Variants in COQ8B observed in about 807,000 individuals in gnomAD.
The protein encoded by COQ8B is atypical kinase COQ8B, mitochondrial.
Under a neutral mutation model 62.0 loss-of-function variants are expected in COQ8B, and 44 were observed. The observed-to-expected ratio is 0.71, with a 90% CI of 0.56 to 0.91. COQ8B has a LOEUF of 0.91. Ranked by LOEUF, COQ8B falls within the 40% of genes least tolerant of loss-of-function variation. The probability of loss-of-function intolerance (pLI) is 0.00; values close to 1 mark genes in which losing one functional copy is unlikely to be tolerated. For missense variants in COQ8B, 649 were observed against 731.6 expected (o/e 0.89, Z 1.30); for synonymous variants, 252 against 289.9 (o/e 0.87, Z 1.33).
At chr19:40,711,131 C>CAAAAA in intron 4 of COQ8B, among the ~76,000 whole-genome samples, 1 of 134,368 alleles carries the variant, frequency 7.4e-6, no homozygotes, top group South Asian at 2.5e-4. Flanking sequence ...AACTCCGTCT[C>CAAAAA]AAAAAAAAAA....
rs58313890 is a variant in COQ8B at position 40,697,875 on chromosome 19, G to GAGAGAGAGAGAGAGAGGC, written c.1144-1822_1144-1821insGCCTCTCTCTCTCTCTCT. Among the ~76,000 whole-genome samples the GAGAGAGAGAGAGAGAGGC allele has an allele frequency of 7.9e-3, 815 of 103,070 alleles. 12 individuals carry two copies. Among genetic ancestry groups the GAGAGAGAGAGAGAGAGGC allele is most frequent in the Middle Eastern group, 0.016 (3 of 184 alleles). The allele number at this position is 103,070 out of a possible 152,430, so 67.6% of individuals were successfully genotyped here. On this transcript the variant is annotated intron_variant, in intron 12 of 14. Coordinates refer to ENST00000324464, the MANE Select transcript of COQ8B (RefSeq NM_024876.4). ...ATAGAGAGAGAGAGAGAGAGAGAGA[G>GAGAGAGAGAGAGAGAGGC]AGTTTCTACTGGGCGTTCATGCAAA...
At chr19:40,703,008 C>G (rs2082072936) in intron 9 of COQ8B, among the ~76,000 whole-genome samples, 1 of 152,164 alleles carries the variant, frequency 6.6e-6, no homozygotes, top group Non-Finnish European at 1.5e-5. Context: ...TCTTCCGAAG[C>G]CTTTTCTGGG....
In COQ8B at chr19:40,714,359, C is replaced by T; in HGVS notation, c.141G>A (p.Gln47=). The T allele has an allele frequency of 7.4e-6, 12 of 1,614,140 alleles. No individual in the cohort carries two copies. The highest frequency in any genetic ancestry group is 1.0e-5 in the Non-Finnish European group (12 of 1,180,020). The change falls in exon 3 of 15, where the codon CAG becomes CAA. Residue 47 remains glutamine, a synonymous_variant. Transcript: ENST00000324464. ...CACCCAGGCCTCTCCCAGGCCCATC[C>T]TGGTAAAACTTTTGGGCCCAAGAAC... ...CGGSWAQKFY[Q]DGPGRGLGEE...
At chr19:40,702,821 A>T in intron 9 of COQ8B, 128 bp from the exon 10 acceptor site, 2 of 795,418 alleles carry the variant, frequency 2.5e-6, no homozygotes, top group Non-Finnish European at 4.1e-6. Context: ...CCTGTGACCC[A>T]CATCTGTCCC....
intron 4 of COQ8B, among the ~76,000 whole-genome samples, chr19:40,710,642 T>G (rs2082133738): frequency 6.6e-6 from 1 of 152,152 alleles, no homozygotes; most frequent in South Asian, 2.1e-4. Flanking sequence ...TCCTCTTTCT[T>G]TAACCCTTTC....
chr19:40,710,148 G>C lies in COQ8B; in HGVS notation c.290-12C>G, dbSNP rs1555757894. 6.2e-7 allele frequency: 1 copy of C among 1,613,938 alleles called. No individual in the cohort carries two copies. Among genetic ancestry groups the C allele is most frequent in the Non-Finnish European group, 8.5e-7 (1 of 1,179,836 alleles). On this transcript the variant is annotated splice_polypyrimidine_tract_variant and intron_variant, in intron 4 of 14. Coordinates refer to ENST00000324464, the MANE Select transcript of COQ8B (RefSeq NM_024876.4). ...GCCCACAGCCAGTCCTGGAGTGCAA[G>C]AGAAGAACATGAGTGCCCGTTTGCC...
chr19:40,700,270 T>C (rs769884860), intron 11 of COQ8B, 40 bp downstream of exon 11: 1 of 1,611,070 alleles, frequency 6.2e-7, no homozygotes, highest in Non-Finnish European at 8.5e-7. Context: ...CCACCCGCCC[T>C]GGGGCCATGC....
Position 40,714,050 on chromosome 19 carries a change from C to T in COQ8B, c.289+17G>A, listed in dbSNP as rs2082164551. On this transcript the variant is annotated intron_variant, in intron 4 of 14. Transcript: ENST00000324464. ...TCTAATTGAGGTCACACCAAGATCC[C>T]CCAAAGTCACACCTACCCCCAAAGT... The T allele has an allele frequency of 7.4e-6, 12 of 1,613,920 alleles. No homozygotes were observed. The highest frequency in any genetic ancestry group is 1.3e-5 in the African/African-American group (1 of 74,912).
chr19:40,696,664 C>CA (rs36085326), intron 12 of COQ8B, among the ~76,000 whole-genome samples: 23,095 of 120,472 alleles, frequency 0.19, 1,997 homozygotes, highest in Middle Eastern at 0.25. Flanking sequence ...GACTCCGTCT[C>CA]AAAAAAAAAA....
At chr19:40,708,612 T>C (rs986306533) in intron 5 of COQ8B, among the ~76,000 whole-genome samples, 10 of 152,046 alleles carry the variant, frequency 6.6e-5, no homozygotes, top group Admixed American at 6.5e-4. Context: ...ATCCTCCACC[T>C]ACCCTCAACT....
chr19:40,711,553 T>C (rs2082142046), intron 4 of COQ8B, among the ~76,000 whole-genome samples: 1 of 152,184 alleles, frequency 6.6e-6, no homozygotes, highest in South Asian at 2.1e-4. Context: ...TATTTCTGCA[T>C]CTCTTGCCTT....
intron 10 of COQ8B, 34 bp from the exon 11 acceptor site, chr19:40,700,485 G>C: frequency 6.2e-7 from 1 of 1,603,516 alleles, no homozygotes; most frequent in Non-Finnish European, 8.5e-7. Flanking sequence ...AGGGGACTTC[G>C]TGCTTCAGGC....
Position 40,700,440 on chromosome 19 carries a change from G to A in COQ8B, c.905C>T (p.Ala302Val). The A allele has an allele frequency of 6.2e-7, 1 of 1,613,310 alleles. No individual in the cohort carries two copies. The highest frequency in any genetic ancestry group is 8.5e-7 in the Non-Finnish European group (1 of 1,179,784). Residue 302 changes from alanine (A) to valine (V), a missense_variant, in exon 11 of 15, where the codon GCA (alanine) becomes GTA (valine). Ala to Val is a moderately conservative substitution (Grantham distance 64). Transcript: ENST00000324464. Reference protein sequence around the residue: ...ACAQNFRQLLANDPFFRVPAV... With the variant: ...ACAQNFRQLLVNDPFFRVPAV... ...TGGGACCCGGAAGAAGGGGTCATTTGCCAGCAGCTGCCTGGGGCAGAAGGA... is the reference window on the plus strand; with the variant it reads ...TGGGACCCGGAAGAAGGGGTCATTTACCAGCAGCTGCCTGGGGCAGAAGGA...
At chr19:40,704,146 TC>T (rs1362333416) in intron 7 of COQ8B, 18 of 271,950 alleles carry the variant, frequency 6.6e-5, no homozygotes, top group Non-Finnish European at 1.2e-4. Flanking sequence ...CTCATAACAA[TC>T]CTTTTTTTTT....
intron 5 of COQ8B, among the ~76,000 whole-genome samples, chr19:40,708,984 G>A (rs770184994): frequency 4.0e-5 from 6 of 151,144 alleles, no homozygotes; most frequent in South Asian, 2.1e-4. Context: ...GCATAATATC[G>A]TGAACACCTG....
intron 12 of COQ8B, among the ~76,000 whole-genome samples, chr19:40,698,117 G>A (rs948795471): frequency 1.3e-5 from 2 of 151,184 alleles, no homozygotes; most frequent in African/African-American, 4.9e-5. Context: ...TTGGGAGGCT[G>A]AGGCAGGAGA....
intron 1 of COQ8B, chr19:40,715,031 A>G: frequency 1.3e-5 from 11 of 865,784 alleles, no homozygotes; most frequent in Non-Finnish European, 1.4e-5. Context: ...GTTACTGAGC[A>G]CCTCCCCCCG....
intron 10 of COQ8B, 136 bp from the exon 11 acceptor site, chr19:40,700,587 G>T: frequency 1.8e-6 from 2 of 1,122,164 alleles, no homozygotes; most frequent in Admixed American, 2.5e-5. Context: ...ATCTCTTGCT[G>T]CTGTCTGCCC....
Position 40,703,527 on chromosome 19 carries a change from G to A in COQ8B, c.799+14C>T. 1 of 1,591,572 alleles carries A rather than the reference G, an allele frequency of 6.3e-7. No homozygotes were observed. On this transcript the variant is annotated intron_variant, in intron 9 of 14. Transcript: ENST00000324464. Reference sequence around the variant, plus strand: ...CCTTTGGGAGGTCAGCAGAGGAGTGGGTGGGCGCCTCACCCGCGGGCAGGG... The same window carrying A: ...CCTTTGGGAGGTCAGCAGAGGAGTGAGTGGGCGCCTCACCCGCGGGCAGGG...
Sources: gnomAD v4.1 joint callset for allele counts (sites outside exome capture counted in the v4.1 genomes callset) on GRCh38, gnomAD v4.1.1 for gene constraint, MANE v1.5 for transcripts, NCBI Gene and HGNC (gene_info 2026-07-23, HGNC 2026-07-21) for gene names.